Variants in SLC6A6 observed in about 807,000 individuals in gnomAD.
SLC6A6 encodes sodium- and chloride-dependent taurine transporter.
SLC6A6 carries 16 observed loss-of-function variants against 68.8 expected under a neutral mutation model. The ratio of observed to expected loss-of-function variants is 0.23; its 90% CI spans 0.16 to 0.35. SLC6A6 has a LOEUF of 0.35. Among genes scored for constraint, SLC6A6 ranks in the 10% least tolerant of loss-of-function variants. The probability of loss-of-function intolerance (pLI) is 1.00; values close to 1 mark genes in which losing one functional copy is unlikely to be tolerated. For synonymous variants in SLC6A6, 312 were observed against 315.4 expected (o/e 0.99, Z 0.12); for missense variants, 474 against 802.8 (o/e 0.59, Z 4.95).
At chr3:14,405,365 G>T (rs58589206) in intron 1 of SLC6A6, among the ~76,000 whole-genome samples, 2,609 of 152,336 alleles carry the variant, frequency 0.017, 35 homozygotes, top group Middle Eastern at 0.044. Context: ...CTGTCAGTTT[G>T]TCAAAGGATT....
chr3:14,446,710 A>G (rs1156639933), intron 4 of SLC6A6, among the ~76,000 whole-genome samples: 1 of 152,218 alleles, frequency 6.6e-6, no homozygotes, highest in Non-Finnish European at 1.5e-5. Context: ...TTTCTCATCT[A>G]TGAAATAGAA....
At chr3:14,404,162 G>T (rs1446584677) in intron 1 of SLC6A6, among the ~76,000 whole-genome samples, 1 of 152,238 alleles carries the variant, frequency 6.6e-6, no homozygotes, top group Admixed American at 6.5e-5. Context: ...TCACTGAGGA[G>T]ATCTTTTTAA....
At chr3:14,421,024 C>T (rs370177917) in intron 2 of SLC6A6, among the ~76,000 whole-genome samples, 1 of 152,168 alleles carries the variant, frequency 6.6e-6, no homozygotes, top group African/African-American at 2.4e-5. Flanking sequence ...ATGCTGCATA[C>T]GTGTTGATGA....
At chr3:14,451,655 G>A (rs941654359) in intron 5 of SLC6A6, among the ~76,000 whole-genome samples, 5 of 152,208 alleles carry the variant, frequency 3.3e-5, no homozygotes, top group African/African-American at 1.2e-4. Flanking sequence ...ACACACTGGT[G>A]GGAAAGAGAG....
intron 3 of SLC6A6, among the ~76,000 whole-genome samples, chr3:14,445,144 C>T (rs565567996): frequency 5.3e-5 from 8 of 152,134 alleles, no homozygotes; most frequent in Admixed American, 2.0e-4. Flanking sequence ...CTGAGGCAGC[C>T]GGGCGCGGTG....
chr3:14,436,756 G>A (rs562756397), intron 2 of SLC6A6, among the ~76,000 whole-genome samples: 2 of 152,108 alleles, frequency 1.3e-5, no homozygotes, highest in Non-Finnish European at 2.9e-5. Flanking sequence ...AGTCCAGCAC[G>A]CCATCTGTCC....
At chr3:14,421,412 G>A (rs908306155) in intron 2 of SLC6A6, among the ~76,000 whole-genome samples, 1 of 152,208 alleles carries the variant, frequency 6.6e-6, no homozygotes, top group Non-Finnish European at 1.5e-5. Context: ...TAACCTCGCT[G>A]TGGGCTTCAG....
intron 6 of SLC6A6, among the ~76,000 whole-genome samples, chr3:14,459,587 T>A (rs889694618): frequency 1.3e-5 from 2 of 152,062 alleles, no homozygotes; most frequent in African/African-American, 2.4e-5. Context: ...GTGAGCACGG[T>A]CCTGCCCGGA....
At chr3:14,478,938 G>A (rs1700945147) in intron 12 of SLC6A6, 147 bp from the exon 13 acceptor site, 2 of 624,480 alleles carry the variant, frequency 3.2e-6, no homozygotes, top group Non-Finnish European at 5.8e-6. Flanking sequence ...TGAATTTCAT[G>A]TAAATGTCTG....
rs745886820 is a variant in SLC6A6, at chr3:14,443,942, G to A, written c.229+79G>A. 162 of 1,026,376 alleles carry A rather than the reference G, an allele frequency of 1.6e-4. 5 individuals carry two copies. In the South Asian group the frequency reaches 2.1e-3, roughly 13 times the overall value. 63.6% of individuals were successfully genotyped at this position (1,026,376 alleles called of 1,614,324 possible). A position where few individuals can be genotyped will look rare whatever the true frequency, so the allele number is the denominator to read the frequency against. ...GCTGGAGGCTGGGACCAGAGCGTGG[G>A]TGGCCTCTCTTTCCCTGCTTTCCCT... On this transcript the variant is annotated intron_variant, in intron 3 of 14. Transcript: ENST00000622186.
rs58996264 is a variant in SLC6A6 at position 14,436,531 on chromosome 3, CTTTTTTTTTTTTTTTTTTTTTTTTTTTTT to C, written c.-11-7071_-11-7043del. On this transcript the variant is annotated intron_variant, in intron 2 of 14. Transcript: ENST00000622186. Reference sequence around the variant, plus strand: ...GAATAGCACTCTTAACAACAACTCCCTTTTTTTTTTTTTTTTTTTTTTTTTTTTTTTTTTTTTTTTTTTTTTTTTTGGTG... The same window carrying C: ...GAATAGCACTCTTAACAACAACTCCCTTTTTTTTTTTTTTTTTTTTTGGTG... 5.3e-3 allele frequency among the ~76,000 whole-genome samples: 592 copies of C among 112,552 alleles called. 13 individuals carry two copies. The highest frequency in any genetic ancestry group is 0.012 in the South Asian group (39 of 3,234). The allele number at this position is 112,552 out of a possible 152,430, so 73.8% of individuals were successfully genotyped here.
At chr3:14,428,837 G>A (rs959121680) in intron 2 of SLC6A6, among the ~76,000 whole-genome samples, 4 of 152,190 alleles carry the variant, frequency 2.6e-5, no homozygotes, top group African/African-American at 9.7e-5. Flanking sequence ...TGTTTCTGCT[G>A]TTGGGGAAGT....
chr3:14,441,435 C>G (rs987223855), intron 2 of SLC6A6, among the ~76,000 whole-genome samples: 1 of 152,168 alleles, frequency 6.6e-6, no homozygotes, highest in Admixed American at 6.5e-5. Flanking sequence ...CCGCGCCCGG[C>G]CCCGAGGGAG....
chr3:14,419,324 A>G (rs889713231), intron 2 of SLC6A6, among the ~76,000 whole-genome samples: 1 of 152,194 alleles, frequency 6.6e-6, no homozygotes, highest in African/African-American at 2.4e-5. Flanking sequence ...AAGTCTGAGC[A>G]CTGCTAGGTG....
At position 14,402,960 on chromosome 3, in the gene SLC6A6, C is replaced by T; in HGVS notation, c.-54+113C>T. On this transcript the variant is annotated intron_variant, in intron 1 of 14. Transcript: ENST00000622186. This position sits in a 1 kb window ranked among gnomAD's most constrained non-coding sequence, Gnocchi z 4.8. Reference sequence around the variant, plus strand: ...CCTCCTCCCCTCCGCGTGCGCCCATCCGGCGCCCCTTTCACCACCGCGGAA... The same window carrying T: ...CCTCCTCCCCTCCGCGTGCGCCCATTCGGCGCCCCTTTCACCACCGCGGAA... 2 of 382,086 alleles carry T rather than the reference C, an allele frequency of 5.2e-6. No homozygotes were observed. The highest frequency in any genetic ancestry group is 7.5e-5 in the East Asian group (2 of 26,496). 23.7% of individuals were successfully genotyped at this position (382,086 alleles called of 1,614,324 possible).
intron 2 of SLC6A6, among the ~76,000 whole-genome samples, chr3:14,442,880 A>C (rs1230139584): frequency 1.3e-5 from 2 of 152,258 alleles, no homozygotes; most frequent in Non-Finnish European, 2.9e-5. Context: ...TGGTTAGAGA[A>C]GGGTGGACAA....
At chr3:14,426,333 C>G (rs192321459) in intron 2 of SLC6A6, among the ~76,000 whole-genome samples, 5 of 152,290 alleles carry the variant, frequency 3.3e-5, no homozygotes, top group South Asian at 2.1e-4. Context: ...AAGTCCCCCC[C>G]CAGCCATCCC....
chr3:14,443,407 T>G (rs1181558154), intron 2 of SLC6A6, among the ~76,000 whole-genome samples: 1 of 152,100 alleles, frequency 6.6e-6, no homozygotes, highest in Admixed American at 6.5e-5. Flanking sequence ...GGGTTGCAAG[T>G]GTCCACAGCC....
Position 14,445,149 on chromosome 3 carries a change from G to A in SLC6A6, c.230-568G>A, listed in dbSNP as rs867737031. On this transcript the variant is annotated intron_variant, in intron 3 of 14. Coordinates refer to ENST00000622186, the MANE Select transcript of SLC6A6 (RefSeq NM_003043.6). ...CATGAAGGCTCTGAGGCAGCCGGGC[G>A]CGGTGGCTCACGCCTGTAATCCCAG... Among the ~76,000 whole-genome samples, 30 of 152,260 alleles carry A rather than the reference G, an allele frequency of 2.0e-4. No individual in the cohort carries two copies. In the East Asian group the frequency reaches 3.9e-3, roughly 20 times the overall value.
Sources: gnomAD v4.1 joint callset for allele counts (sites outside exome capture counted in the v4.1 genomes callset) on GRCh38, gnomAD v4.1.1 for gene constraint, Gnocchi (gnomAD v3.1) non-coding constraint, MANE v1.5 for transcripts, NCBI Gene and HGNC (gene_info 2026-07-23, HGNC 2026-07-21) for gene names.